SLIT3: variants seen among roughly 807,000 people sequenced by gnomAD.
SLIT3 encodes slit guidance ligand 3, also known as slit homolog 3 protein.
SLIT3 carries 68 observed loss-of-function variants against 184.0 expected under a neutral mutation model. The ratio of observed to expected loss-of-function variants is 0.37; its 90% confidence interval spans 0.30 to 0.45. The LOEUF (loss-of-function observed/expected upper bound fraction) is 0.45, where lower values mean the gene tolerates loss of function less well. SLIT3 is among the 20% of genes least tolerant of loss of function. The probability of loss-of-function intolerance (pLI) is 1.00; values close to 1 mark genes in which losing one functional copy is unlikely to be tolerated. For missense variants in SLIT3, 1,707 were observed against 2,026.0 expected (o/e 0.84, Z 3.02); for synonymous variants, 831 against 828.6 (o/e 1.00, Z -0.05).
At chr5:168,770,049 C>T (rs574039640) in intron 14 of SLIT3, among the ~76,000 whole-genome samples, 32 of 152,290 alleles carry the variant, frequency 2.1e-4, no homozygotes, top group Admixed American at 7.2e-4. Context: ...TCACACAAAG[C>T]GGGGAGGCAT....
intron 29 of SLIT3, among the ~76,000 whole-genome samples, chr5:168,689,254 T>C (rs1761838570): frequency 6.6e-6 from 1 of 152,236 alleles, no homozygotes. Flanking sequence ...TACTTCTCCA[T>C]CAACTAAAGA....
chr5:169,015,986 A>ACC (rs1561608918), intron 4 of SLIT3, among the ~76,000 whole-genome samples: 6 of 73,752 alleles, frequency 8.1e-5, no homozygotes, highest in East Asian at 2.0e-3. Context: ...ACACACACAC[A>ACC]ACTTTCTGTC....
Position 168,972,336 on chromosome 5 carries a change from C to CGTGTGTGTGTGTGTGTGTGTGTGTGTGT in SLIT3, c.414-89001_414-89000insACACACACACACACACACACACACACAC, listed in dbSNP as rs1353519749. On this transcript the variant is annotated intron_variant, in intron 4 of 35. Coordinates refer to ENST00000519560, the MANE Select transcript of SLIT3 (RefSeq NM_003062.4). Reference sequence around the variant, plus strand: ...TTGTTGATGGCTAGCTGCAGGACAACATGTGTGTGTGTGTGTGTGTGTGTG... The same window carrying CGTGTGTGTGTGTGTGTGTGTGTGTGTGT: ...TTGTTGATGGCTAGCTGCAGGACAACGTGTGTGTGTGTGTGTGTGTGTGTGTGTATGTGTGTGTGTGTGTGTGTGTGTG... Among the ~76,000 whole-genome samples, 180 of 39,742 alleles carry CGTGTGTGTGTGTGTGTGTGTGTGTGTGT rather than the reference C, an allele frequency of 4.5e-3. 3 individuals carry two copies. The highest frequency in any genetic ancestry group is 0.024 in the East Asian group (25 of 1,022). 26.1% of individuals were successfully genotyped at this position (39,742 alleles called of 152,430 possible).
In SLIT3 at chr5:168,768,330, C is replaced by T. The variant is rs977868834; in HGVS notation, c.1459+4451G>A. The T allele has an allele frequency of 7.8e-5, 36 of 463,966 alleles. 1 individual carries two copies. Among genetic ancestry groups the T allele is most frequent in the South Asian group, 1.9e-4 (12 of 64,694 alleles). 28.7% of individuals were successfully genotyped at this position (463,966 alleles called of 1,614,324 possible). ...GGAAGCAGCGTGGAGAAGCGGAAGC[C>T]GGAGCAGGCCCCCACTGAGCGTGAT... On this transcript the variant is annotated intron_variant, in intron 14 of 35. Coordinates refer to ENST00000519560, the MANE Select transcript of SLIT3 (RefSeq NM_003062.4).
chr5:168,764,705 C>T (rs1012584072), intron 14 of SLIT3, among the ~76,000 whole-genome samples: 3 of 152,140 alleles, frequency 2.0e-5, no homozygotes, highest in African/African-American at 7.2e-5. Flanking sequence ...TGGTCCTGTC[C>T]TCCTTTCCTT....
intron 20 of SLIT3, among the ~76,000 whole-genome samples, chr5:168,734,569 T>C (rs1310486444): frequency 6.6e-6 from 1 of 152,194 alleles, no homozygotes; most frequent in African/African-American, 2.4e-5. Flanking sequence ...GCTGGTGATA[T>C]TACAGAATGT....
intron 5 of SLIT3, among the ~76,000 whole-genome samples, chr5:168,856,798 T>C (rs1257344785): frequency 1.5e-4 from 22 of 142,160 alleles, no homozygotes; most frequent in African/African-American, 6.1e-4. Flanking sequence ...TGTGTGTGTG[T>C]GTGTGTGTGC....
At position 168,749,431 on chromosome 5, in the gene SLIT3, C is replaced by T. The variant is rs564438009; in HGVS notation, c.2137+41G>A. 8 of 1,611,136 alleles carry T rather than the reference C, an allele frequency of 5.0e-6. No individual in the cohort carries two copies. The South Asian group carries it at 7.7e-5, about 16-fold the overall frequency. On this transcript the variant is annotated intron_variant, in intron 19 of 35. Coordinates refer to ENST00000519560, the MANE Select transcript of SLIT3 (RefSeq NM_003062.4). ...CATCTTCGCCATCTTCCTTGCCTTC[C>T]CAGGGCCTTCCCCGCAGACCTTGAC...
In SLIT3 at chr5:168,796,239, T is replaced by C. The variant is rs1756559916; in HGVS notation, c.936-661A>G. On this transcript the variant is annotated intron_variant, in intron 9 of 35. Transcript: ENST00000519560. ...GCCTTTAACCTCTTATGGAGTTTCC[T>C]GAAATGCTTCCTCTCCTATTACTTT... Among the ~76,000 whole-genome samples the C allele has an allele frequency of 3.3e-5, 5 of 152,160 alleles. No individual in the cohort carries two copies. The South Asian group carries it at 1.0e-3, about 31-fold the overall frequency.
At chr5:169,268,174 C>T (rs556018321) in intron 1 of SLIT3, among the ~76,000 whole-genome samples, 45 of 152,082 alleles carry the variant, frequency 3.0e-4, no homozygotes, top group Non-Finnish European at 6.0e-4. Context: ...AAGGATGATG[C>T]GAAGTAATCA....
intron 4 of SLIT3, among the ~76,000 whole-genome samples, chr5:169,050,400 C>G (rs1172293308): frequency 2.6e-5 from 4 of 152,206 alleles, no homozygotes; most frequent in Non-Finnish European, 5.9e-5. Context: ...AGTCTATCCA[C>G]CCATCCATCC....
At position 168,795,550 on chromosome 5, in the gene SLIT3, T is replaced by C. The variant is rs1273388450; in HGVS notation, c.964A>G (p.Ile322Val). 6.2e-7 allele frequency: 1 copy of C among 1,613,906 alleles called. No homozygotes were observed. The highest frequency in any genetic ancestry group is 1.3e-5 in the African/African-American group (1 of 74,926). The change falls in exon 10 of 36, where the codon ATC becomes GTC. Residue 322 changes from isoleucine (I) to valine (V), a missense_variant. Ile to Val is a conservative substitution (Grantham distance 29). Coordinates refer to ENST00000519560, the MANE Select transcript of SLIT3 (RefSeq NM_003062.4). ...IRLEQNSIKA[I>V]PAGAFTQYKK... ...TACTGGGTGAAGGCTCCTGCAGGGA[T>C]GGCTTTGATGGAGTTCTGTTCTAGG...
At chr5:168,985,430 G>A (rs1658296679) in intron 4 of SLIT3, among the ~76,000 whole-genome samples, 1 of 152,212 alleles carries the variant, frequency 6.6e-6, no homozygotes, top group Non-Finnish European at 1.5e-5. Flanking sequence ...GGCAAGGGGA[G>A]TCTGTGTCCT....
chr5:168,926,157 A>C (rs893135475), intron 4 of SLIT3, among the ~76,000 whole-genome samples: 1 of 147,328 alleles, frequency 6.8e-6, no homozygotes, highest in African/African-American at 2.6e-5. Context: ...GGTGTGCACT[A>C]CTCAGAAAGT....
intron 3 of SLIT3, among the ~76,000 whole-genome samples, chr5:169,200,964 A>G (rs1023339388): frequency 2.0e-5 from 3 of 152,180 alleles, no homozygotes; most frequent in African/African-American, 7.2e-5. Context: ...CTCAATACCC[A>G]GGGCCATTTT....
Position 169,020,886 on chromosome 5 carries a change from C to G in SLIT3, c.414-137550G>C, listed in dbSNP as rs914451786. Among the ~76,000 whole-genome samples the G allele has an allele frequency of 5.3e-5, 8 of 152,230 alleles. No individual in the cohort carries two copies. The East Asian group carries it at 1.5e-3, about 29-fold the overall frequency. ...TCCCCATCACTGACCAGTAGATGCC[C>G]TGCCACACACAGTGCTAGAGCAAGA... On this transcript the variant is annotated intron_variant, in intron 4 of 35. Transcript: ENST00000519560.
intron 6 of SLIT3, among the ~76,000 whole-genome samples, chr5:168,839,710 C>T (rs1758178115): frequency 6.6e-6 from 1 of 152,208 alleles, no homozygotes; most frequent in African/African-American, 2.4e-5. Flanking sequence ...TGCCCTCCCC[C>T]AGTCTCCTAA....
chr5:169,169,307 G>T (rs1355357825), intron 4 of SLIT3, among the ~76,000 whole-genome samples: 2 of 152,138 alleles, frequency 1.3e-5, no homozygotes, highest in Admixed American at 6.5e-5. Flanking sequence ...TATCTAATCC[G>T]AGTGGGCATC....
At chr5:168,825,811 G>T (rs552229419) in intron 6 of SLIT3, among the ~76,000 whole-genome samples, 1 of 152,214 alleles carries the variant, frequency 6.6e-6, no homozygotes, top group Non-Finnish European at 1.5e-5. Context: ...CTTCCTGGGG[G>T]TGAGGGCTAT....
Sources: allele counts gnomAD v4.1 joint callset (sites outside exome capture counted in the v4.1 genomes callset), GRCh38; gene constraint gnomAD v4.1.1; transcripts MANE v1.5; gene names NCBI Gene and HGNC (gene_info 2026-07-23, HGNC 2026-07-21).